Variants in NEGR1 observed in about 807,000 individuals in gnomAD.
The protein encoded by NEGR1 is neuronal growth regulator 1, also known as IgLON family member 4.
NEGR1 carries 10 observed loss-of-function variants against 40.9 expected under a neutral mutation model. The ratio of observed to expected loss-of-function variants is 0.24; its 90% CI spans 0.15 to 0.42. The LOEUF is 0.42. NEGR1 is among the 10% of genes least tolerant of loss of function. The pLI is 1.00. For missense variants in NEGR1, 352 were observed against 438.9 expected, an observed-to-expected ratio of 0.80 and a Z score of 1.77; for synonymous variants, 185 against 166.8, an observed-to-expected ratio of 1.11 and a Z score of -0.84.
At chr1:71,639,055 C>A (rs151292578) in intron 4 of NEGR1, among the ~76,000 whole-genome samples, 1 of 151,950 alleles carries the variant, frequency 6.6e-6, no homozygotes, top group East Asian at 1.9e-4. Context: ...CATATACTCA[C>A]ATGAGAGCTG....
At chr1:71,639,206 G>GAAAA (rs111324697) in intron 4 of NEGR1, among the ~76,000 whole-genome samples, 1 of 116,422 alleles carries the variant, frequency 8.6e-6, no homozygotes, top group Non-Finnish European at 1.9e-5. Context: ...GATGTTCAGG[G>GAAAA]AAAAAAAAAA....
chr1:71,560,659 C>CA, intron 6 of NEGR1, among the ~76,000 whole-genome samples: 1 of 150,748 alleles, frequency 6.6e-6, no homozygotes, highest in Non-Finnish European at 1.5e-5. Context: ...TCTTAGCTCT[C>CA]AAAAAACATT....
intron 6 of NEGR1, among the ~76,000 whole-genome samples, chr1:71,475,001 AAC>A (rs941004556): frequency 2.2e-4 from 33 of 152,074 alleles, no homozygotes; most frequent in African/African-American, 7.7e-4. Context: ...AAAATTTAAA[AAC>A]ACAGCATCTA....
At chr1:72,059,765 T>A (rs566461230) in intron 1 of NEGR1, among the ~76,000 whole-genome samples, 1 of 151,820 alleles carries the variant, frequency 6.6e-6, no homozygotes, top group South Asian at 2.1e-4. Flanking sequence ...CTTCATTCAA[T>A]AAACATGATT....
At chr1:71,502,829 A>G (rs1647008024) in intron 6 of NEGR1, among the ~76,000 whole-genome samples, 1 of 152,202 alleles carries the variant, frequency 6.6e-6, no homozygotes, top group African/African-American at 2.4e-5. Context: ...ACTGAGATGT[A>G]TCCTAGATAT....
At chr1:71,665,360 G>T (rs1652209171) in intron 4 of NEGR1, among the ~76,000 whole-genome samples, 1 of 152,142 alleles carries the variant, frequency 6.6e-6, no homozygotes. Flanking sequence ...GAAAATAGAG[G>T]TATATGTTAA....
intron 3 of NEGR1, among the ~76,000 whole-genome samples, chr1:71,707,439 G>C (rs1266767114): frequency 6.6e-6 from 1 of 152,190 alleles, no homozygotes; most frequent in Non-Finnish European, 1.5e-5. Context: ...GGAAGAGTGG[G>C]AAGAACTGTG....
chr1:72,182,773 C>CAT (rs1652429820), intron 1 of NEGR1, among the ~76,000 whole-genome samples: 31 of 65,562 alleles, frequency 4.7e-4, no homozygotes, highest in African/African-American at 2.3e-3. Flanking sequence ...TCTGTGTGTG[C>CAT]GTGTGTATAT....
rs1037724554 is a variant in NEGR1, at chr1:71,592,797, G to C, written c.940+20C>G. On this transcript the variant is annotated intron_variant, in intron 6 of 6. Coordinates refer to ENST00000357731, the MANE Select transcript of NEGR1 (RefSeq NM_173808.3). ...GCCCAGAGGCCCCTGGAAGCATTTT[G>C]GTACCATTGCATTACTTACGGTTAA... The C allele has an allele frequency of 1.9e-6, 3 of 1,596,186 alleles. 1 individual carries two copies. In the East Asian group the frequency reaches 6.7e-5, roughly 36 times the overall value.
chr1:71,554,988 T>C (rs1393210923), intron 6 of NEGR1, among the ~76,000 whole-genome samples: 2 of 151,578 alleles, frequency 1.3e-5, no homozygotes, highest in Non-Finnish European at 3.0e-5. Context: ...TTTCCATCCC[T>C]TCTGAAAGTG....
intron 1 of NEGR1, among the ~76,000 whole-genome samples, chr1:71,997,858 T>A (rs1404110924): frequency 6.6e-6 from 1 of 151,960 alleles, no homozygotes; most frequent in Non-Finnish European, 1.5e-5. Context: ...CTAAATAATC[T>A]CCAGCATTTT....
chr1:71,887,591 G>A (rs560031109), intron 2 of NEGR1, among the ~76,000 whole-genome samples: 2 of 152,230 alleles, frequency 1.3e-5, no homozygotes, highest in South Asian at 2.1e-4. Flanking sequence ...GCAGTGATCA[G>A]ATTAGAGTAA....
intron 1 of NEGR1, among the ~76,000 whole-genome samples, chr1:72,026,548 AAC>A (rs201175706): frequency 2.1e-4 from 32 of 150,060 alleles, no homozygotes; most frequent in African/African-American, 7.3e-4. Flanking sequence ...AAACAACAAC[AAC>A]AAAAAAAACC....
intron 6 of NEGR1, among the ~76,000 whole-genome samples, chr1:71,472,398 T>C (rs755330740): frequency 2.0e-5 from 3 of 152,156 alleles, no homozygotes; most frequent in African/African-American, 4.8e-5. Flanking sequence ...AATCTCGATA[T>C]ATGAACTTTT....
chr1:72,231,388 A>G (rs1375178092), intron 1 of NEGR1, among the ~76,000 whole-genome samples: 1 of 152,170 alleles, frequency 6.6e-6, no homozygotes, highest in East Asian at 1.9e-4. Flanking sequence ...TCCACCATTC[A>G]AGAACCATGA....
intron 4 of NEGR1, among the ~76,000 whole-genome samples, chr1:71,616,629 C>T (rs1334068762): frequency 1.3e-5 from 2 of 152,168 alleles, no homozygotes; most frequent in African/African-American, 4.8e-5. Context: ...ACAACTGCAT[C>T]TGGTGGCAGG....
intron 4 of NEGR1, among the ~76,000 whole-genome samples, chr1:71,686,828 A>C (rs1319451128): frequency 1.3e-5 from 2 of 152,236 alleles, no homozygotes; most frequent in African/African-American, 4.8e-5. Context: ...GAGAGACTGC[A>C]TCCTCAAGTG....
chr1:71,620,348 C>T (rs1273733087), intron 4 of NEGR1, among the ~76,000 whole-genome samples: 1 of 151,936 alleles, frequency 6.6e-6, no homozygotes, highest in Non-Finnish European at 1.5e-5. Flanking sequence ...TTACATACTA[C>T]ATTAAGGCAG....
At chr1:71,797,303 C>T (rs576737672) in intron 2 of NEGR1, among the ~76,000 whole-genome samples, 2 of 152,236 alleles carry the variant, frequency 1.3e-5, no homozygotes, top group African/African-American at 2.4e-5. Flanking sequence ...CAACCCAATA[C>T]TGTTTTTCAC....
Sources: allele counts gnomAD v4.1 joint callset (sites outside exome capture counted in the v4.1 genomes callset), GRCh38; gene constraint gnomAD v4.1.1; transcripts MANE v1.5; gene names NCBI Gene and HGNC (gene_info 2026-07-23, HGNC 2026-07-21).